Variants in JAKMIP3 observed in about 807,000 individuals in gnomAD.
The protein encoded by JAKMIP3 is janus kinase and microtubule-interacting protein 3.
JAKMIP3 carries 58 observed loss-of-function variants against 118.5 expected under a neutral mutation model. The ratio of observed to expected loss-of-function variants is 0.49; its 90% CI spans 0.40 to 0.61. JAKMIP3 has a LOEUF of 0.61. Ranked by LOEUF, JAKMIP3 falls within the 20% of genes least tolerant of loss-of-function variation. The pLI is 0.00. For synonymous variants in JAKMIP3, 486 were observed against 451.2 expected (o/e 1.08, Z -0.98); for missense variants, 950 against 1,109.0 (o/e 0.86, Z 2.04).
In JAKMIP3 at chr10:132,104,882, ACGAGGATCTT is replaced by A; in HGVS notation, c.79_88del (p.Asp27ProfsTer55). 1 of 1,575,776 alleles carries A rather than the reference ACGAGGATCTT, an allele frequency of 6.3e-7. No homozygotes were observed. Among genetic ancestry groups the A allele is most frequent in the Non-Finnish European group, 8.6e-7 (1 of 1,161,436 alleles). ...GCCCTCGCGGCGCTGCAGGCGGCCA[ACGAGGATCTT>A]CGAGCCAAGCTCACAGACATCCAGA... is the stretch of plus-strand genomic sequence containing the variant. On this transcript the variant is annotated frameshift_variant, in exon 2 of 24. Transcript: ENST00000684848.
chr10:132,099,119 G>T (rs750530265), intron 1 of JAKMIP3, among the ~76,000 whole-genome samples: 1 of 152,154 alleles, frequency 6.6e-6, no homozygotes, highest in Non-Finnish European at 1.5e-5. Context: ...TTGACTTCTC[G>T]GTGTCCTCTG....
At chr10:132,134,902 C>T (rs113688834) in intron 4 of JAKMIP3, 139 bp from the exon 5 acceptor site, 17 of 1,129,136 alleles carry the variant, frequency 1.5e-5, no homozygotes, top group African/African-American at 6.2e-5. Flanking sequence ...CGGGGGGCTC[C>T]GAACCTTCCC....
At chr10:132,065,127 G>A (rs1381087217), upstream of JAKMIP3, among the ~76,000 whole-genome samples, 1 of 152,114 alleles carries the variant, frequency 6.6e-6, no homozygotes, top group African/African-American at 2.4e-5. The surrounding 1 kb of genome is among the most constrained non-coding windows in gnomAD (Gnocchi z 5.6). Flanking sequence ...CAGGCCACCC[G>A]CACCGGCAGC....
At chr10:132,171,019 G>T (rs528721898) in intron 23 of JAKMIP3, among the ~76,000 whole-genome samples, 1 of 152,354 alleles carries the variant, frequency 6.6e-6, no homozygotes, top group South Asian at 2.1e-4. Context: ...CCAGGGGTGG[G>T]GAAACCTGTG....
intron 2 of JAKMIP3, among the ~76,000 whole-genome samples, chr10:132,115,369 C>T (rs373143127): frequency 4.7e-4 from 71 of 152,330 alleles, no homozygotes; most frequent in Middle Eastern, 3.4e-3. Flanking sequence ...CCCCTGCTAC[C>T]GATGGGCTGG....
intron 23 of JAKMIP3, among the ~76,000 whole-genome samples, chr10:132,170,405 T>C (rs998104569): frequency 2.7e-4 from 41 of 152,020 alleles, no homozygotes; most frequent in Admixed American, 1.3e-4. Context: ...TCCCACCCCC[T>C]GCGGGCCAGG....
At chr10:132,054,684 G>A (rs540788910) in intron 1 of JAKMIP3, among the ~76,000 whole-genome samples, 77 of 148,008 alleles carry the variant, frequency 5.2e-4, no homozygotes, top group South Asian at 4.6e-3. Flanking sequence ...ATTTCAGACC[G>A]GGCTAACAGA....
intron 14 of JAKMIP3, 87 bp from the exon 15 acceptor site, chr10:132,149,325 G>C: frequency 1.2e-6 from 1 of 844,644 alleles, no homozygotes; most frequent in Admixed American, 2.4e-5. Flanking sequence ...CCATGGTCTT[G>C]GCCCGTGTTC....
chr10:132,061,994 T>G (rs1299202745), upstream of JAKMIP3, among the ~76,000 whole-genome samples: 1 of 151,938 alleles, frequency 6.6e-6, no homozygotes, highest in African/African-American at 2.4e-5. Context: ...CTATCCAGAT[T>G]GTAGAACAGC....
At chr10:132,150,267 C>T (rs1235376435) in intron 16 of JAKMIP3, among the ~76,000 whole-genome samples, 2 of 152,036 alleles carry the variant, frequency 1.3e-5, no homozygotes, top group African/African-American at 2.4e-5. Flanking sequence ...CAGCTGATGG[C>T]ACTTCCCATC....
Position 132,184,548 on chromosome 10 carries a change from AAACT to A in JAKMIP3, c.*3299_*3302del, listed in dbSNP as rs963779140. 1.8e-4 allele frequency: 28 copies of A among 152,212 alleles called. No individual in the cohort carries two copies. The highest frequency in any genetic ancestry group is 3.2e-4 in the Non-Finnish European group (22 of 68,048). The allele number at this position is 152,212 out of a possible 1,614,324, so 9.4% of individuals were successfully genotyped here. ...AAAGCTTTATTGTAAATTTATGCAA[AAACT>A]AACCGGGCCTGTTTTCTTACGGCGG... On this transcript the variant is annotated 3_prime_UTR_variant, in exon 24 of 24. Coordinates refer to ENST00000684848, the MANE Select transcript of JAKMIP3 (RefSeq NM_001323087.2).
At chr10:132,154,604 A>C (rs1171542681) in intron 19 of JAKMIP3, among the ~76,000 whole-genome samples, 2 of 152,204 alleles carry the variant, frequency 1.3e-5, no homozygotes, top group African/African-American at 2.4e-5. Flanking sequence ...GTGGAAAGAC[A>C]AGTGTCACCA....
chr10:132,112,452 C>T lies in JAKMIP3; in HGVS notation c.136-4625C>T, dbSNP rs776306699. On this transcript the variant is annotated intron_variant, in intron 2 of 23. Transcript: ENST00000684848. This position sits in a 1 kb window ranked among gnomAD's most constrained non-coding sequence, Gnocchi z 4.3. ...CCTCATGCCTGCTTCCAGAACATTCCATCCCGCCTCTGTTCTTTCGGGCTG... is the reference window on the plus strand; with the variant it reads ...CCTCATGCCTGCTTCCAGAACATTCTATCCCGCCTCTGTTCTTTCGGGCTG... 1.1e-4 allele frequency among the ~76,000 whole-genome samples: 17 copies of T among 152,194 alleles called. No individual in the cohort carries two copies. Among genetic ancestry groups the T allele is most frequent in the Non-Finnish European group, 1.5e-4 (10 of 68,028 alleles).
Position 132,169,014 on chromosome 10 carries a change from G to A in JAKMIP3, c.*1084G>A, listed in dbSNP as rs190679179. On this transcript the variant is annotated 3_prime_UTR_variant, in exon 23 of 24. Transcript: ENST00000684848. ...CCTGTGTGGGGACGCTGCACGAGCC[G>A]TGGACCAAGAGGCTGACAGGTAAGG... is the stretch of plus-strand genomic sequence containing the variant. 1.7e-3 allele frequency: 262 copies of A among 155,598 alleles called. No individual in the cohort carries two copies. The highest frequency in any genetic ancestry group is 6.0e-3 in the African/African-American group (250 of 41,572). 9.6% of individuals were successfully genotyped at this position (155,598 alleles called of 1,614,324 possible). A position where few individuals can be genotyped will look rare whatever the true frequency, so the allele number is the denominator to read the frequency against.
At chr10:132,135,601 A>G (rs2051593078) in intron 5 of JAKMIP3, among the ~76,000 whole-genome samples, 1 of 152,218 alleles carries the variant, frequency 6.6e-6, no homozygotes. Flanking sequence ...CTGGCCCCAG[A>G]CTGCTGGTCT....
chr10:132,068,476 A>T (rs1336809100), intron 1 of JAKMIP3, among the ~76,000 whole-genome samples: 2 of 149,682 alleles, frequency 1.3e-5, no homozygotes, highest in African/African-American at 5.1e-5. Context: ...TCTTCCATGA[A>T]TCTCTTGGGC....
At chr10:132,065,634 C>A (rs1031789617), upstream of JAKMIP3, among the ~76,000 whole-genome samples, 2 of 152,160 alleles carry the variant, frequency 1.3e-5, no homozygotes, top group African/African-American at 4.8e-5. The surrounding 1 kb of genome is among the most constrained non-coding windows in gnomAD (Gnocchi z 5.6). Context: ...GCCCAGGCCG[C>A]CTCTGCATCT....
chr10:132,150,341 G>T (rs2055855296), intron 16 of JAKMIP3, among the ~76,000 whole-genome samples: 1 of 152,142 alleles, frequency 6.6e-6, no homozygotes, highest in Non-Finnish European at 1.5e-5. Context: ...GGGGGCTGTT[G>T]CTCTTAGACA....
Position 132,163,387 on chromosome 10 carries a change from T to C in JAKMIP3, c.2399T>C (p.Met800Thr). ...GACGCCCAGATCCTGCGGGAGCGCA[T>C]GGAGCTGCTGCAGCTGGCTCAGCAG... ...ERDAQILRER[M>T]ELLQLAQQRI... is the part of the protein sequence containing the mutation. Residue 800 changes from methionine to threonine, a missense_variant, in exon 20 of 24, where the codon ATG becomes ACG. Physicochemically the swap from Met to Thr is moderately conservative, Grantham distance 81. Transcript: ENST00000684848. 1 of 1,603,864 alleles carries C rather than the reference T, an allele frequency of 6.2e-7. No homozygotes were observed. Among genetic ancestry groups the C allele is most frequent in the East Asian group, 2.2e-5 (1 of 44,790 alleles).
Sources: gnomAD v4.1 joint callset for allele counts (sites outside exome capture counted in the v4.1 genomes callset) on GRCh38, gnomAD v4.1.1 for gene constraint, Gnocchi (gnomAD v3.1) non-coding constraint, MANE v1.5 for transcripts, NCBI Gene and HGNC (gene_info 2026-07-23, HGNC 2026-07-21) for gene names.